CCDC40: variants seen among roughly 807,000 people sequenced by gnomAD.
CCDC40 encodes coiled-coil domain 40 molecular ruler complex subunit.
A neutral mutation model predicts 124.5 loss-of-function variants in CCDC40; 104 were observed. The observed-to-expected ratio is 0.84, with a 90% CI of 0.71 to 0.98. The LOEUF is 0.98. Among genes scored for constraint, CCDC40 ranks in the 50% least tolerant of loss-of-function variants. The probability of loss-of-function intolerance (pLI) is 0.00; values close to 1 mark genes in which losing one functional copy is unlikely to be tolerated. For missense variants in CCDC40, 1,463 were observed against 1,503.9 expected (o/e 0.97, Z 0.45); for synonymous variants, 580 against 602.9 (o/e 0.96, Z 0.56).
intron 19 of CCDC40, 23 bp from the exon 20 acceptor site, chr17:80,099,504 A>G (rs372186987): frequency 1.9e-6 from 3 of 1,602,354 alleles, no homozygotes; most frequent in South Asian, 2.2e-5. Context: ...ATAGCCCTAT[A>G]TGGAGTCTCT....
At chr17:80,079,099 A>G (rs1030294162) in intron 10 of CCDC40, among the ~76,000 whole-genome samples, 1 of 151,942 alleles carries the variant, frequency 6.6e-6, no homozygotes, top group Non-Finnish European at 1.5e-5. Context: ...ACGCCCGGCT[A>G]ATTTTTTTTG....
intron 3 of CCDC40, 192 bp downstream of exon 3, chr17:80,040,462 T>C: frequency 1.6e-6 from 1 of 618,810 alleles, no homozygotes; most frequent in South Asian, 1.9e-5. Context: ...GTGGGTCACC[T>C]GAGGTCAGGA....
At chr17:80,085,394 C>T (rs2038560820) in intron 13 of CCDC40, among the ~76,000 whole-genome samples, 1 of 152,252 alleles carries the variant, frequency 6.6e-6, no homozygotes, top group South Asian at 2.1e-4. Context: ...CGTTTGAGGC[C>T]TGATGCCATA....
At chr17:80,065,974 A>C (rs2038035806) in intron 10 of CCDC40, 5 of 638,578 alleles carry the variant, frequency 7.8e-6, no homozygotes, top group Non-Finnish European at 1.1e-5. Flanking sequence ...GTTCTGCCTG[A>C]GGGCTGCATT....
At position 80,066,501 on chromosome 17, in the gene CCDC40, TA is replaced by T; in HGVS notation, c.1562+897del. On this transcript the variant is annotated intron_variant, in intron 10 of 19. Coordinates refer to ENST00000397545, the MANE Select transcript of CCDC40 (RefSeq NM_017950.4). This position sits in a 1 kb window ranked among gnomAD's most constrained non-coding sequence, Gnocchi z 4.4. Reference sequence around the variant, plus strand: ...GGCCAGGCGCAGTGGCTCGCACCTGTAATCCCAACATTTTGGGAGGCTGAGA... The same window carrying T: ...GGCCAGGCGCAGTGGCTCGCACCTGTATCCCAACATTTTGGGAGGCTGAGA... 1 of 240,846 alleles carries T rather than the reference TA, an allele frequency of 4.2e-6. No individual in the cohort carries two copies. Among genetic ancestry groups the T allele is most frequent in the Non-Finnish European group, 8.1e-6 (1 of 123,386 alleles). 14.9% of individuals were successfully genotyped at this position (240,846 alleles called of 1,614,324 possible). A position where few individuals can be genotyped will look rare whatever the true frequency, so the allele number is the denominator to read the frequency against.
chr17:80,081,113 C>T (rs758621144), intron 10 of CCDC40, among the ~76,000 whole-genome samples: 14 of 152,078 alleles, frequency 9.2e-5, no homozygotes, highest in Middle Eastern at 3.2e-3. Flanking sequence ...CTGGGTGCAG[C>T]GGCTCACACC....
At chr17:80,076,245 T>C (rs1438697401) in intron 10 of CCDC40, among the ~76,000 whole-genome samples, 8 of 152,060 alleles carry the variant, frequency 5.3e-5, no homozygotes. Context: ...CATGTGGCAA[T>C]GGATGTGGCA....
intron 10 of CCDC40, chr17:80,067,916 A>G (rs1201956288): frequency 5.4e-5 from 71 of 1,313,590 alleles, no homozygotes; most frequent in Non-Finnish European, 6.8e-5. Flanking sequence ...TTGAGTGAAT[A>G]TTTTAGTGGA....
chr17:80,082,141 G>A, intron 12 of CCDC40, 83 bp downstream of exon 12: 2 of 1,272,974 alleles, frequency 1.6e-6, no homozygotes, highest in East Asian at 4.8e-5. Flanking sequence ...GAGGCGGAGA[G>A]GGCGGAGTCA....
At position 80,050,145 on chromosome 17, in the gene CCDC40, C is replaced by T. The variant is rs759712425; in HGVS notation, c.1021C>T (p.Leu341=). The change falls in exon 7 of 20, where the codon CTG becomes TTG. Residue 341 remains leucine, a synonymous_variant. Coordinates refer to ENST00000397545, the MANE Select transcript of CCDC40 (RefSeq NM_017950.4). ...TGAGGTGCAGCAGCACCTGGTACAC[C>T]TGCAGAAGCTGCTGGAGAAGAGTCA... The part of the protein sequence containing the change: ...LYEVQQHLVH[L]QKLLEKSHDR... 1.2e-6 allele frequency: 2 copies of T among 1,613,722 alleles called. No homozygotes were observed. The highest frequency in any genetic ancestry group is 1.7e-6 in the Non-Finnish European group (2 of 1,179,980).
At chr17:80,068,223 G>C (rs1448859488) in intron 10 of CCDC40, among the ~76,000 whole-genome samples, 1 of 152,050 alleles carries the variant, frequency 6.6e-6, no homozygotes, top group Admixed American at 6.5e-5. Context: ...TAGTAGAGAC[G>C]GGGTTTCACC....
intron 10 of CCDC40, chr17:80,067,860 A>T (rs957050345): frequency 3.4e-5 from 47 of 1,395,936 alleles, no homozygotes; most frequent in Non-Finnish European, 3.9e-5. Context: ...CCGATTGATG[A>T]AGAAAATAGA....
At position 80,065,606 on chromosome 17, in the gene CCDC40, G is replaced by T; in HGVS notation, c.1562G>T (p.Arg521Ile). 1 of 1,612,236 alleles carries T rather than the reference G, an allele frequency of 6.2e-7. No individual in the cohort carries two copies. Among genetic ancestry groups the T allele is most frequent in the Non-Finnish European group, 8.5e-7 (1 of 1,179,882 alleles). Residue 521 changes from arginine to isoleucine, a missense_variant and splice_region_variant, in exon 10 of 20, where the codon AGA (arginine) becomes ATA (isoleucine). Transcript: ENST00000397545. ...EAHRAVLEAL[R>I]GCQHQAKSTD... is the part of the protein sequence containing the mutation. ...CACAGGGCGGTGCTGGAGGCGCTCA[G>T]GTACTGCAGGGCCACAGGCAGCGAG...
intron 17 of CCDC40, 45 bp downstream of exon 17, chr17:80,089,929 C>T: frequency 6.2e-7 from 1 of 1,609,338 alleles, no homozygotes; most frequent in South Asian, 1.1e-5. Flanking sequence ...GGGTGCCAGC[C>T]CTTGGGCTCT....
chr17:80,041,981 T>G (rs2037294556), intron 3 of CCDC40, among the ~76,000 whole-genome samples: 2 of 152,172 alleles, frequency 1.3e-5, no homozygotes. Context: ...TTTTTCTTTT[T>G]TGGTTTAAGA....
At chr17:80,067,796 T>A in intron 10 of CCDC40, 1 of 1,454,106 alleles carries the variant, frequency 6.9e-7, no homozygotes, top group Non-Finnish European at 9.1e-7. Context: ...GGCAGCGGTG[T>A]TTCAAAGTCC....
At chr17:80,057,245 A>T (rs1269241884) in intron 7 of CCDC40, among the ~76,000 whole-genome samples, 2 of 151,610 alleles carry the variant, frequency 1.3e-5, no homozygotes, top group East Asian at 4.0e-4. Context: ...GCACCAACAC[A>T]TCCTGTTAAT....
At position 80,065,565 on chromosome 17, in the gene CCDC40, G is replaced by T; in HGVS notation, c.1521G>T (p.Lys507Asn). Residue 507 changes from lysine (K) to asparagine (N), a missense_variant, in exon 10 of 20, where the codon AAG becomes AAT. Transcript: ENST00000397545. ...GGGCCAGCAGCCTGGTGGGCATGAAGCACCGCGACGAGGCGCACAGGGCGG... is the reference window on the plus strand; with the variant it reads ...GGGCCAGCAGCCTGGTGGGCATGAATCACCGCGACGAGGCGCACAGGGCGG... ...QQWASSLVGM[K>N]HRDEAHRAVL... is the part of the protein sequence containing the mutation. The T allele has an allele frequency of 6.2e-7, 1 of 1,612,972 alleles. No individual in the cohort carries two copies. Among genetic ancestry groups the T allele is most frequent in the South Asian group, 1.1e-5 (1 of 91,072 alleles).
chr17:80,040,678 CAAA>C (rs34476860), intron 3 of CCDC40: 224 of 129,946 alleles, frequency 1.7e-3, no homozygotes, highest in South Asian at 5.2e-3. Context: ...GACCTTGTCT[CAAA>C]AAAAAAAAAA....
Sources: allele counts gnomAD v4.1 joint callset (sites outside exome capture counted in the v4.1 genomes callset), GRCh38; gene constraint gnomAD v4.1.1; non-coding constraint Gnocchi (gnomAD v3.1); transcripts MANE v1.5; gene names NCBI Gene and HGNC (gene_info 2026-07-23, HGNC 2026-07-21).